MAPK6: variants seen among roughly 807,000 people sequenced by gnomAD.
MAPK6 encodes the protein ERK-3.
MAPK6 carries 19 observed loss-of-function variants against 59.3 expected under a neutral mutation model. That is an observed-to-expected ratio of 0.32 (90% CI 0.22 to 0.47). The LOEUF is 0.47. Ranked by LOEUF, MAPK6 falls within the 20% of genes least tolerant of loss-of-function variation. The pLI is 1.00. For missense variants in MAPK6, 724 were observed against 847.9 expected, an observed-to-expected ratio of 0.85 and a Z score of 1.81; for synonymous variants, 316 against 290.3, an observed-to-expected ratio of 1.09 and a Z score of -0.90.
At chr15:52,031,997 T>G (rs1045334999) in intron 1 of MAPK6, among the ~76,000 whole-genome samples, 6 of 150,974 alleles carry the variant, frequency 4.0e-5, no homozygotes, top group Non-Finnish European at 8.9e-5. Flanking sequence ...GCCTCCCGGG[T>G]TCATGCCATT....
At chr15:52,060,492 C>T (rs1390906789) in intron 4 of MAPK6, among the ~76,000 whole-genome samples, 1 of 152,076 alleles carries the variant, frequency 6.6e-6, no homozygotes, top group Non-Finnish European at 1.5e-5. Flanking sequence ...TGTAATGAGC[C>T]AGATATGGGA....
chr15:52,030,793 ATTT>A (rs762313465), intron 1 of MAPK6, among the ~76,000 whole-genome samples: 4 of 134,098 alleles, frequency 3.0e-5, no homozygotes, highest in Admixed American at 7.5e-5. Flanking sequence ...TGCCCAGCTA[ATTT>A]TTTTTTTTTT....
intron 1 of MAPK6, among the ~76,000 whole-genome samples, chr15:52,030,144 T>TAGG (rs1221868790): frequency 1.3e-5 from 2 of 152,210 alleles, no homozygotes; most frequent in African/African-American, 4.8e-5. Context: ...TTTCCTCTGT[T>TAGG]AGGAATGCCC....
intron 3 of MAPK6, among the ~76,000 whole-genome samples, chr15:52,012,987 GAAAAAAAAAAAAAAAAAAAAAA>G (rs869196156): frequency 1.9e-3 from 50 of 26,616 alleles, no homozygotes; most frequent in Admixed American, 3.6e-3. Context: ...ACTCCGCCTG[GAAAAAAAAAAAAAAAAAAAAAA>G]AAAAAAAAAA....
chr15:52,065,145 C>CT lies in MAPK6; in HGVS notation c.*148dup. 1.4e-6 allele frequency: 1 copy of CT among 705,414 alleles called. No individual in the cohort carries two copies. 43.7% of individuals were successfully genotyped at this position (705,414 alleles called of 1,614,324 possible). A position where few individuals can be genotyped will look rare whatever the true frequency, so the allele number is the denominator to read the frequency against. On this transcript the variant is annotated 3_prime_UTR_variant, in exon 6 of 6. Transcript: ENST00000261845. ...GAGTTCTTGTTTTTTAAAATCCAGA[C>CT]TTTCTTTTTCTACATGTGAGATAGT...
At chr15:51,995,308 C>T (rs2057221293) in intron 2 of MAPK6, among the ~76,000 whole-genome samples, 1 of 152,186 alleles carries the variant, frequency 6.6e-6, no homozygotes, top group Non-Finnish European at 1.5e-5. Flanking sequence ...TGATCAGCTG[C>T]TGGATGCAGA....
intron 2 of MAPK6, among the ~76,000 whole-genome samples, chr15:51,994,554 AT>A (rs200130199): frequency 0.016 from 2,480 of 152,240 alleles, 30 homozygotes; most frequent in African/African-American, 0.034. Flanking sequence ...TAAAAAAAAG[AT>A]TTTTTTTAAA....
intron 1 of MAPK6, among the ~76,000 whole-genome samples, chr15:52,029,769 T>C (rs953775889): frequency 1.3e-5 from 2 of 152,212 alleles, no homozygotes; most frequent in Admixed American, 6.5e-5. Flanking sequence ...TATTCAATTA[T>C]CTGTTTTACA....
At chr15:52,009,261 C>A (rs908689010) in intron 3 of MAPK6, among the ~76,000 whole-genome samples, 2 of 152,160 alleles carry the variant, frequency 1.3e-5, no homozygotes, top group Non-Finnish European at 2.9e-5. Flanking sequence ...TTACTCTGGT[C>A]ATGTGGCAGA....
intron 1 of MAPK6, among the ~76,000 whole-genome samples, chr15:52,037,598 T>C (rs1216317678): frequency 6.6e-6 from 1 of 152,164 alleles, no homozygotes; most frequent in Non-Finnish European, 1.5e-5. Context: ...CTGAAGTGTT[T>C]CATTTCTTCA....
chr15:52,055,939 G>A (rs943359231), intron 3 of MAPK6, among the ~76,000 whole-genome samples: 15 of 152,186 alleles, frequency 9.9e-5, no homozygotes, highest in African/African-American at 3.6e-4. Flanking sequence ...CATTTAATAG[G>A]AATAGTTTGC....
At chr15:51,976,949 ATAAAT>A (rs1377698027) in intron 1 of MAPK6, among the ~76,000 whole-genome samples, 1 of 151,734 alleles carries the variant, frequency 6.6e-6, no homozygotes, top group Non-Finnish European at 1.5e-5. Context: ...TCTCAAAAAA[ATAAAT>A]TAATAAAATA....
chr15:52,033,869 T>C (rs959827234), intron 1 of MAPK6: 7 of 152,132 alleles, frequency 4.6e-5, no homozygotes, highest in Non-Finnish European at 8.8e-5. Context: ...TATTCTATTG[T>C]CTTCTGTTTT....
chr15:52,060,938 A>G (rs745910195), intron 4 of MAPK6, among the ~76,000 whole-genome samples: 2 of 152,230 alleles, frequency 1.3e-5, no homozygotes, highest in African/African-American at 2.4e-5. Flanking sequence ...TTAGTAGCCT[A>G]TCCAGCACTA....
At chr15:52,000,789 G>C (rs1028795111) in intron 2 of MAPK6, among the ~76,000 whole-genome samples, 12 of 150,834 alleles carry the variant, frequency 8.0e-5, no homozygotes, top group Non-Finnish European at 1.8e-4. Context: ...GACAGAGAGA[G>C]ACTCCATTTC....
chr15:52,064,256 A>C lies in MAPK6; in HGVS notation c.1422A>C (p.Ile474=). 3.1e-6 allele frequency: 5 copies of C among 1,610,766 alleles called. No homozygotes were observed. Among genetic ancestry groups the C allele is most frequent in the Non-Finnish European group, 4.2e-6 (5 of 1,179,418 alleles). Residue 474 remains isoleucine (I), a synonymous_variant, in exon 6 of 6, where the codon ATA becomes ATC. Coordinates refer to ENST00000261845, the MANE Select transcript of MAPK6 (RefSeq NM_002748.4). ...ATTACTATGAACCCAAGCTTATTAT[A>C]GATCTTTCCAATTGGAAAGAACAAA... is the stretch of plus-strand genomic sequence containing the variant. The part of the protein sequence containing the change: ...VNHYYEPKLI[I]DLSNWKEQSK...
At chr15:52,008,094 G>A (rs1053833711) in intron 3 of MAPK6, among the ~76,000 whole-genome samples, 2 of 152,024 alleles carry the variant, frequency 1.3e-5, no homozygotes, top group African/African-American at 2.4e-5. Context: ...TGATCCACCC[G>A]CCTCAGCCTC....
At chr15:51,995,889 C>G (rs2057222761) in intron 2 of MAPK6, among the ~76,000 whole-genome samples, 1 of 151,684 alleles carries the variant, frequency 6.6e-6, no homozygotes, top group South Asian at 2.1e-4. Context: ...GATCACAGCA[C>G]TACACTCCAG....
At chr15:51,977,669 C>T (rs560847475) in intron 1 of MAPK6, among the ~76,000 whole-genome samples, 34 of 151,654 alleles carry the variant, frequency 2.2e-4, no homozygotes, top group East Asian at 7.8e-4. Context: ...CCTGAGTAGC[C>T]GGGATTACAG....
Sources: allele counts gnomAD v4.1 joint callset (sites outside exome capture counted in the v4.1 genomes callset), GRCh38; gene constraint gnomAD v4.1.1; transcripts MANE v1.5; gene names NCBI Gene and HGNC (gene_info 2026-07-23, HGNC 2026-07-21).